The following PIEZO2 variants were observed in gnomAD, a reference collection of about 807,000 sequenced individuals.
PIEZO2 encodes the protein piezo type mechanosensitive ion channel component 2.
In PIEZO2, 172 loss-of-function variants were observed where a neutral mutation model predicts 337.3. The observed-to-expected ratio is 0.51, with a 90% confidence interval of 0.45 to 0.58. PIEZO2 has a LOEUF of 0.58. PIEZO2 is among the 20% of genes least tolerant of loss of function. The pLI is 0.00. For synonymous variants in PIEZO2, 1,251 were observed against 1,228.5 expected (o/e 1.02, Z -0.38); for missense variants, 3,028 against 3,391.3 (o/e 0.89, Z 2.66).
At chr18:10,869,137 G>A (rs1322763923) in intron 5 of PIEZO2, among the ~76,000 whole-genome samples, 1 of 152,192 alleles carries the variant, frequency 6.6e-6, no homozygotes, top group Non-Finnish European at 1.5e-5. Context: ...CACTGTGGCA[G>A]GTGCTTTTTA....
rs1276634028 is a variant in PIEZO2, at chr18:10,671,257, A to AT, written c.*269dup. 3 of 297,926 alleles carry AT rather than the reference A, an allele frequency of 1.0e-5. No homozygotes were observed. The highest frequency in any genetic ancestry group is 6.6e-5 in the African/African-American group (3 of 45,604). 18.5% of individuals were successfully genotyped at this position (297,926 alleles called of 1,614,324 possible). A position where few individuals can be genotyped will look rare whatever the true frequency, so the allele number is the denominator to read the frequency against. On this transcript the variant is annotated 3_prime_UTR_variant, in exon 56 of 56. Coordinates refer to ENST00000674853, the MANE Select transcript of PIEZO2 (RefSeq NM_001378183.1). ...CGGGGCCCATAAATGATTCCTTCAC[A>AT]TGATCAATCAGAATGCGAGACACTG...
intron 2 of PIEZO2, among the ~76,000 whole-genome samples, chr18:11,030,721 C>A (rs1245687868): frequency 6.6e-6 from 1 of 152,092 alleles, no homozygotes; most frequent in South Asian, 2.1e-4. Flanking sequence ...AGATTCCTGG[C>A]AAGACGTAGT....
chr18:11,131,932 T>C lies in PIEZO2; in HGVS notation c.64+16593A>G, dbSNP rs1020177681. ...GAACAAAGGGGCCATGGTGGCAGGG[T>C]TGGAGGTTATACATGGGCTCAGTAA... On this transcript the variant is annotated intron_variant, in intron 1 of 55. Transcript: ENST00000674853. The surrounding 1 kb of genome is among the most constrained non-coding windows in gnomAD (Gnocchi z 5.3). Among the ~76,000 whole-genome samples the C allele has an allele frequency of 6.6e-6, 1 of 152,100 alleles. No homozygotes were observed. Among genetic ancestry groups the C allele is most frequent in the African/African-American group, 2.4e-5 (1 of 41,416 alleles).
intron 36 of PIEZO2, among the ~76,000 whole-genome samples, chr18:10,723,440 G>A (rs1383647606): frequency 2.6e-5 from 4 of 152,194 alleles, no homozygotes; most frequent in Admixed American, 1.3e-4. Flanking sequence ...TAGATGACTC[G>A]AGGTATGTGC....
intron 7 of PIEZO2, among the ~76,000 whole-genome samples, chr18:10,808,725 C>T (rs1918672): frequency 0.47 from 70,932 of 151,942 alleles, 16,659 homozygotes; most frequent in East Asian, 0.57. Flanking sequence ...AAAAGTTATG[C>T]CCCACTTAGA....
At chr18:10,961,180 C>CAA (rs576531265) in intron 3 of PIEZO2, among the ~76,000 whole-genome samples, 2,589 of 117,514 alleles carry the variant, frequency 0.022, 89 homozygotes, top group African/African-American at 0.076. Flanking sequence ...GACTCCATCT[C>CAA]AAAAAAAAAA....
chr18:10,808,059 G>A (rs1023895616), intron 7 of PIEZO2, among the ~76,000 whole-genome samples: 1 of 152,094 alleles, frequency 6.6e-6, no homozygotes. Flanking sequence ...GGTTAAGTGA[G>A]TTTCATACCT....
chr18:11,045,594 G>A (rs1341467742), intron 2 of PIEZO2, among the ~76,000 whole-genome samples: 1 of 152,206 alleles, frequency 6.6e-6, no homozygotes, highest in Non-Finnish European at 1.5e-5. Context: ...AAGGAAGAGA[G>A]CAGAGTGTCA....
At chr18:10,932,568 A>G (rs1231068231) in intron 3 of PIEZO2, among the ~76,000 whole-genome samples, 8 of 152,182 alleles carry the variant, frequency 5.3e-5, no homozygotes, top group Admixed American at 5.2e-4. Flanking sequence ...CCAGAGCAGA[A>G]GAGACACAAT....
In PIEZO2 at chr18:10,850,926, A is replaced by T. The variant is rs2041528643; in HGVS notation, c.917+4427T>A. 6.6e-6 allele frequency among the ~76,000 whole-genome samples: 1 copy of T among 152,196 alleles called. No individual in the cohort carries two copies. Among genetic ancestry groups the T allele is most frequent in the Non-Finnish European group, 1.5e-5 (1 of 68,032 alleles). Reference sequence around the variant, plus strand: ...AAAATATCAATTCAATATTTCTAAAAATAAGGTTAATTCTCACCAGAGAGC... The same window carrying T: ...AAAATATCAATTCAATATTTCTAAATATAAGGTTAATTCTCACCAGAGAGC... On this transcript the variant is annotated intron_variant, in intron 7 of 55. Transcript: ENST00000674853. The surrounding 1 kb of genome is among the most constrained non-coding windows in gnomAD (Gnocchi z 4.5).
intron 9 of PIEZO2, among the ~76,000 whole-genome samples, chr18:10,801,868 C>T (rs562910199): frequency 1.3e-5 from 2 of 152,148 alleles, no homozygotes; most frequent in Admixed American, 6.5e-5. Flanking sequence ...AGGCAGATCA[C>T]GAGGCCAGGG....
In PIEZO2 at chr18:11,094,136, G is replaced by A. The variant is rs1159606979; in HGVS notation, c.65-27914C>T. Among the ~76,000 whole-genome samples the A allele has an allele frequency of 3.3e-5, 5 of 151,892 alleles. No individual in the cohort carries two copies. The highest frequency in any genetic ancestry group is 1.3e-4 in the Admixed American group (2 of 15,240). ...TGGGATTACAGGTGCTCATCACCAC[G>A]CCCAGCTAATTTTTCTATTTTTAAT... On this transcript the variant is annotated intron_variant, in intron 1 of 55. Transcript: ENST00000674853. This position sits in a 1 kb window ranked among gnomAD's most constrained non-coding sequence, Gnocchi z 4.4.
Position 10,899,147 on chromosome 18 carries a change from T to C in PIEZO2, c.329+12039A>G, listed in dbSNP as rs2042981113. On this transcript the variant is annotated intron_variant, in intron 4 of 55. Coordinates refer to ENST00000674853, the MANE Select transcript of PIEZO2 (RefSeq NM_001378183.1). This position sits in a 1 kb window ranked among gnomAD's most constrained non-coding sequence, Gnocchi z 4.6. The stretch of plus-strand genomic sequence containing the variant: ...AGTTAAAAAGACCTAACTGCCTTCG[T>C]TCAGCTGTCAAGAAGTTACTCAACC... Among the ~76,000 whole-genome samples, 1 of 152,178 alleles carries C rather than the reference T, an allele frequency of 6.6e-6. No homozygotes were observed. The highest frequency in any genetic ancestry group is 2.1e-4 in the South Asian group (1 of 4,824).
rs565266223 is a variant in PIEZO2, at chr18:10,813,275, G to A, written c.918-6001C>T. 3.3e-5 allele frequency among the ~76,000 whole-genome samples: 5 copies of A among 152,112 alleles called. No individual in the cohort carries two copies. Among genetic ancestry groups the A allele is most frequent in the Middle Eastern group, 3.4e-3 (1 of 294 alleles). On this transcript the variant is annotated intron_variant, in intron 7 of 55. Coordinates refer to ENST00000674853, the MANE Select transcript of PIEZO2 (RefSeq NM_001378183.1). The surrounding 1 kb of genome is among the most constrained non-coding windows in gnomAD (Gnocchi z 4.2). ...ATTACAGGAGTGAGCCACCGCGCCC[G>A]GGCCATTTTAAACATTTTTAAGAAC...
In PIEZO2 at chr18:10,794,392, G is replaced by C. The variant is rs1428058442; in HGVS notation, c.1758+380C>G. 1.3e-5 allele frequency among the ~76,000 whole-genome samples: 2 copies of C among 152,130 alleles called. No homozygotes were observed. The highest frequency in any genetic ancestry group is 2.9e-5 in the Non-Finnish European group (2 of 68,026). ...ATCAATACTTATCTGTGACACTAAT[G>C]CACTAAGCATGTTTTATAAAATGAT... On this transcript the variant is annotated intron_variant, in intron 13 of 55. Transcript: ENST00000674853. The surrounding 1 kb of genome is among the most constrained non-coding windows in gnomAD (Gnocchi z 6.6).
intron 17 of PIEZO2, among the ~76,000 whole-genome samples, chr18:10,782,938 T>C (rs2039084125): frequency 2.0e-5 from 3 of 152,162 alleles, no homozygotes; most frequent in Non-Finnish European, 2.9e-5. Flanking sequence ...GTGAACCAAA[T>C]TGTCTTCTGC....
At chr18:10,949,074 T>C (rs1394769679) in intron 3 of PIEZO2, among the ~76,000 whole-genome samples, 1 of 152,228 alleles carries the variant, frequency 6.6e-6, no homozygotes, top group Non-Finnish European at 1.5e-5. Context: ...TGAGTATTCA[T>C]CATACAGAAA....
In PIEZO2 at chr18:10,857,007, A is replaced by G; in HGVS notation, c.697T>C (p.Ser233Pro). Reference sequence around the variant, plus strand: ...CAGTGTGGGAGACACTCACCCGAGGAGCCCAGTAAGATGGTAACAACGACT... The same window carrying G: ...CAGTGTGGGAGACACTCACCCGAGGGGCCCAGTAAGATGGTAACAACGACT... ...GKVVVTILLG[S>P]SGMMLPSLTS... The change falls in exon 6 of 56, where the codon TCC (serine) becomes CCC (proline). Residue 233 changes from serine (S) to proline (P), a missense_variant. Ser to Pro is a moderately conservative substitution (Grantham distance 74). This residue lies in a region of PIEZO2 where 542 missense variants were observed against 605.6 expected (regional missense o/e 0.89). Transcript: ENST00000674853. 6.5e-7 allele frequency: 1 copy of G among 1,537,272 alleles called. No individual in the cohort carries two copies. The highest frequency in any genetic ancestry group is 8.7e-7 in the Non-Finnish European group (1 of 1,146,906).
Position 10,945,481 on chromosome 18 carries a change from A to G in PIEZO2, c.286+34054T>C, listed in dbSNP as rs762747768. On this transcript the variant is annotated intron_variant, in intron 3 of 55. Coordinates refer to ENST00000674853, the MANE Select transcript of PIEZO2 (RefSeq NM_001378183.1). The surrounding 1 kb of genome is among the most constrained non-coding windows in gnomAD (Gnocchi z 4.0). The stretch of plus-strand genomic sequence containing the variant: ...TGGGGAAAAATGCCCATGGATTGAA[A>G]TTGGTCTGGTCTTGCCTCACAAATG... Among the ~76,000 whole-genome samples the G allele has an allele frequency of 2.0e-5, 3 of 152,252 alleles. No individual in the cohort carries two copies. The highest frequency in any genetic ancestry group is 4.4e-5 in the Non-Finnish European group (3 of 68,048).
Sources: allele counts gnomAD v4.1 joint callset (sites outside exome capture counted in the v4.1 genomes callset), GRCh38; gene constraint gnomAD v4.1.1; regional missense constraint gnomAD v4.1.1; non-coding constraint Gnocchi (gnomAD v3.1); transcripts MANE v1.5; gene names NCBI Gene and HGNC (gene_info 2026-07-23, HGNC 2026-07-21).